Variants in ARRDC5 observed in about 807,000 individuals in gnomAD.
The protein encoded by ARRDC5 is arrestin domain-containing protein 5.
ARRDC5 carries 12 observed loss-of-function variants against 13.3 expected under a neutral mutation model. That is an observed-to-expected ratio of 0.90 (90% CI 0.58 to 1.46). The LOEUF (loss-of-function observed/expected upper bound fraction) is 1.46, where lower values mean the gene tolerates loss of function less well. Ranked by LOEUF, ARRDC5 falls within the 40% of genes most tolerant of loss-of-function variation. The pLI, the probability that ARRDC5 is intolerant of heterozygous loss-of-function variation, is 0.00. For missense variants in ARRDC5, 406 were observed against 418.7 expected (o/e 0.97, Z 0.26); for synonymous variants, 181 against 173.4 (o/e 1.04, Z -0.34).
chr19:4,902,887 C>A lies in ARRDC5; in HGVS notation c.-62G>T. ...CCCCATGTCCCTGAAATTCCCGGTT[C>A]GTTGGCCCTAGTGAGGTAATCCATC... On this transcript the variant is annotated 5_prime_UTR_variant, in exon 1 of 3. Coordinates refer to ENST00000650722, the MANE Select transcript of ARRDC5 (RefSeq NM_001080523.3). 6.2e-7 allele frequency: 1 copy of A among 1,610,528 alleles called. No homozygotes were observed. Among genetic ancestry groups the A allele is most frequent in the South Asian group, 1.1e-5 (1 of 90,746 alleles).
At chr19:4,912,079 T>C in the ARRDC5 span, among the ~76,000 whole-genome samples, 1 of 152,162 alleles carries the variant, frequency 6.6e-6, no homozygotes, top group South Asian at 2.1e-4. Context: ...CTGGCTTGCA[T>C]GCCATAGGAG....
At chr19:4,896,366 A>T (rs1208405347) in intron 2 of ARRDC5, among the ~76,000 whole-genome samples, 1 of 83,866 alleles carries the variant, frequency 1.2e-5, no homozygotes, top group African/African-American at 5.9e-5. Flanking sequence ...TTTTTTACAC[A>T]CACACACACA....
chr19:4,896,358 TTTTACACACACAC>T lies in ARRDC5; in HGVS notation c.459+300_459+312del, dbSNP rs1229486492. 3.0e-3 allele frequency among the ~76,000 whole-genome samples: 255 copies of T among 84,616 alleles called. 2 individuals are homozygous for T. Among genetic ancestry groups the T allele is most frequent in the African/African-American group, 4.5e-3 (89 of 19,616 alleles). The allele number at this position is 84,616 out of a possible 152,430, so 55.5% of individuals were successfully genotyped here. On this transcript the variant is annotated intron_variant, in intron 2 of 2. Transcript: ENST00000650722. ...TATATATATATATATATTTTTTTTT[TTTTACACACACAC>T]ACACACACACACACACACACACACA... is the stretch of plus-strand genomic sequence containing the variant.
At chr19:4,904,609 G>T (rs1381834771), upstream of ARRDC5, among the ~76,000 whole-genome samples, 1 of 152,132 alleles carries the variant, frequency 6.6e-6, no homozygotes, top group Non-Finnish European at 1.5e-5. Flanking sequence ...GAGCTACCAC[G>T]CCTGGCTGAC....
At chr19:4,908,242 G>T in the ARRDC5 span, among the ~76,000 whole-genome samples, 1 of 152,084 alleles carries the variant, frequency 6.6e-6, no homozygotes, top group African/African-American at 2.4e-5. Flanking sequence ...GAGGACGTGG[G>T]GGTCTAGAGA....
chr19:4,894,706 GAGA>G (rs950437050), intron 2 of ARRDC5, among the ~76,000 whole-genome samples: 1 of 119,762 alleles, frequency 8.3e-6, no homozygotes, highest in African/African-American at 3.0e-5. Context: ...GAAGAAGAAG[GAGA>G]AGGAGAAGGA....
At chr19:4,901,189 T>C (rs369262672) in intron 1 of ARRDC5, among the ~76,000 whole-genome samples, 95 of 151,964 alleles carry the variant, frequency 6.3e-4, no homozygotes, top group African/African-American at 2.1e-3. Flanking sequence ...CATGGTGCCA[T>C]GTGCCTGTGG....
At chr19:4,905,491 G>A (rs1405084178), upstream of ARRDC5, among the ~76,000 whole-genome samples, 1 of 151,250 alleles carries the variant, frequency 6.6e-6, no homozygotes, top group Non-Finnish European at 1.5e-5. Flanking sequence ...GGTATTGTTA[G>A]TGTTAGTGTA....
Position 4,890,740 on chromosome 19 carries a change from C to T in ARRDC5, c.*306G>A. The T allele has an allele frequency of 2.9e-6, 1 of 340,406 alleles. No homozygotes were observed. Among genetic ancestry groups the T allele is most frequent in the Non-Finnish European group, 5.4e-6 (1 of 183,634 alleles). 21.1% of individuals were successfully genotyped at this position (340,406 alleles called of 1,614,324 possible). On this transcript the variant is annotated 3_prime_UTR_variant, in exon 3 of 3. Transcript: ENST00000650722. ...AGACATTAGCAGAGGGGAGAATTCT[C>T]CCCAAGTAGGACCCCTGGTCTTGGC...
At chr19:4,898,448 G>A (rs1291140878) in intron 1 of ARRDC5, among the ~76,000 whole-genome samples, 2 of 151,840 alleles carry the variant, frequency 1.3e-5, no homozygotes, top group South Asian at 2.1e-4. Flanking sequence ...TGCAACCTCC[G>A]CCTCCTAGGT....
At chr19:4,892,231 G>A (rs2146240405) in intron 2 of ARRDC5, among the ~76,000 whole-genome samples, 2 of 152,038 alleles carry the variant, frequency 1.3e-5, no homozygotes, top group Middle Eastern at 3.4e-3. Flanking sequence ...GGGATTACAG[G>A]CGCACGCCAC....
chr19:4,902,944 G>A, upstream of ARRDC5: 1 of 1,516,968 alleles, frequency 6.6e-7, no homozygotes, highest in Non-Finnish European at 9.0e-7. Flanking sequence ...GTTCCGGGAA[G>A]TGGGGACCCC....
the ARRDC5 span, among the ~76,000 whole-genome samples, chr19:4,911,273 G>T: frequency 6.6e-6 from 1 of 152,130 alleles, no homozygotes; most frequent in African/African-American, 2.4e-5. Context: ...GAATCTATAG[G>T]GTCTGGGCTT....
intron 2 of ARRDC5, among the ~76,000 whole-genome samples, chr19:4,895,116 C>T (rs2031664953): frequency 8.5e-6 from 1 of 117,144 alleles, no homozygotes; most frequent in African/African-American, 2.6e-5. Flanking sequence ...TGAGCTATTA[C>T]ATTTTTTTTT....
In ARRDC5 at chr19:4,891,590, G is replaced by T; in HGVS notation, c.460-17C>A. ...CAAGGGGTTCTAGGAGGATGTGGGG[G>T]AACAGACAACCGTGAGGGACCAGGA... On this transcript the variant is annotated splice_polypyrimidine_tract_variant and intron_variant, in intron 2 of 2. Coordinates refer to ENST00000650722, the MANE Select transcript of ARRDC5 (RefSeq NM_001080523.3). 6.3e-7 allele frequency: 1 copy of T among 1,598,574 alleles called. No individual in the cohort carries two copies. The highest frequency in any genetic ancestry group is 1.1e-5 in the South Asian group (1 of 88,408).
intron 2 of ARRDC5, among the ~76,000 whole-genome samples, chr19:4,893,118 A>ATG (rs33973038): frequency 9.2e-5 from 13 of 141,470 alleles, no homozygotes; most frequent in Admixed American, 7.8e-4. Flanking sequence ...AAATATATAT[A>ATG]TTATAATAAT....
At chr19:4,891,906 G>C (rs1421406724) in intron 2 of ARRDC5, among the ~76,000 whole-genome samples, 4 of 146,480 alleles carry the variant, frequency 2.7e-5, no homozygotes, top group African/African-American at 1.0e-4. Context: ...AGTGAGCCGA[G>C]ATTGTGTGAT....
Position 4,890,899 on chromosome 19 carries a change from C to T in ARRDC5, c.*147G>A. ...CAGTGATAGTTCTAGGGAGGGGAGA[C>T]ACAGATACCTAAACCGCTAGAGCTT... On this transcript the variant is annotated 3_prime_UTR_variant, in exon 3 of 3. Transcript: ENST00000650722. The T allele has an allele frequency of 3.1e-6, 2 of 647,640 alleles. No individual in the cohort carries two copies. Among genetic ancestry groups the T allele is most frequent in the Non-Finnish European group, 5.3e-6 (2 of 376,112 alleles). 40.1% of individuals were successfully genotyped at this position (647,640 alleles called of 1,614,324 possible).
chr19:4,909,857 C>T, the ARRDC5 span: 1 of 384,008 alleles, frequency 2.6e-6, no homozygotes. Context: ...AGCGCTGCGT[C>T]CCCGGAGCCC....
Sources: allele counts gnomAD v4.1 joint callset (sites outside exome capture counted in the v4.1 genomes callset), GRCh38; gene constraint gnomAD v4.1.1; transcripts MANE v1.5; gene names NCBI Gene and HGNC (gene_info 2026-07-23, HGNC 2026-07-21).